KLF12: variants seen among roughly 807,000 people sequenced by gnomAD.
KLF12 encodes the protein KLF transcription factor 12, also known as Krueppel-like factor 12.
In KLF12, 9 loss-of-function variants were observed where a neutral mutation model predicts 37.8. The ratio of observed to expected loss-of-function variants is 0.24; its 90% CI spans 0.14 to 0.42. KLF12 has a LOEUF of 0.42. KLF12 is among the 10% of genes least tolerant of loss of function. The probability of loss-of-function intolerance (pLI) is 1.00; values close to 1 mark genes in which losing one functional copy is unlikely to be tolerated. For synonymous variants in KLF12, 208 were observed against 202.1 expected (o/e 1.03, Z -0.25); for missense variants, 411 against 516.0 (o/e 0.80, Z 1.97).
chr13:74,001,793 C>T (rs1176294390), intron 1 of KLF12, among the ~76,000 whole-genome samples: 2 of 152,168 alleles, frequency 1.3e-5, no homozygotes, highest in East Asian at 1.9e-4. Context: ...AACATTCCAT[C>T]AAACTGTGAA....
rs373325436 is a variant in KLF12 at position 73,755,836 on chromosome 13, G to C, written c.869+9102C>G. Reference sequence around the variant, plus strand: ...CTCATAGCTTAGCTGCCACTTATGAGTGAGAACATACGATGTTTGGTTTTC... The same window carrying C: ...CTCATAGCTTAGCTGCCACTTATGACTGAGAACATACGATGTTTGGTTTTC... On this transcript the variant is annotated intron_variant, in intron 6 of 7. Transcript: ENST00000377669. 2.8e-4 allele frequency among the ~76,000 whole-genome samples: 43 copies of C among 151,988 alleles called. 1 individual carries two copies. In the South Asian group the frequency reaches 3.5e-3, roughly 12 times the overall value.
chr13:73,699,276 T>A (rs1172148337), intron 7 of KLF12, among the ~76,000 whole-genome samples: 1 of 147,890 alleles, frequency 6.8e-6, no homozygotes, highest in Non-Finnish European at 1.5e-5. Flanking sequence ...CCCCAGCGAT[T>A]CGGGAAGCTG....
the KLF12 span, among the ~76,000 whole-genome samples, chr13:74,157,001 A>T: frequency 6.6e-6 from 1 of 152,126 alleles, no homozygotes; most frequent in Non-Finnish European, 1.5e-5. Context: ...TTTATTCTGT[A>T]TGTGTGTGTG....
At chr13:73,781,331 CG>C (rs1166261055) in intron 5 of KLF12, among the ~76,000 whole-genome samples, 1 of 152,168 alleles carries the variant, frequency 6.6e-6, no homozygotes, top group Non-Finnish European at 1.5e-5. Flanking sequence ...TTTATTGCAA[CG>C]TTTACTTCAT....
chr13:73,981,795 C>A (rs990319114), intron 2 of KLF12, among the ~76,000 whole-genome samples: 3 of 152,114 alleles, frequency 2.0e-5, no homozygotes, highest in Admixed American at 1.3e-4. Context: ...CTAAGAGTAA[C>A]CCCTGGCCAG....
chr13:73,793,902 C>T (rs1881822369), intron 5 of KLF12, among the ~76,000 whole-genome samples: 1 of 152,182 alleles, frequency 6.6e-6, no homozygotes, highest in Non-Finnish European at 1.5e-5. Flanking sequence ...CAAAGGACAA[C>T]TGGTGGTCCC....
chr13:73,974,477 G>A (rs1490878297), intron 2 of KLF12, among the ~76,000 whole-genome samples: 1 of 152,072 alleles, frequency 6.6e-6, no homozygotes, highest in Non-Finnish European at 1.5e-5. Context: ...ATTTCACAAG[G>A]CCAAATACCT....
intron 1 of KLF12, among the ~76,000 whole-genome samples, chr13:74,021,322 A>G: frequency 6.6e-6 from 1 of 152,182 alleles, no homozygotes; most frequent in Non-Finnish European, 1.5e-5. Context: ...TACTATAATA[A>G]ATCCTATTTC....
At chr13:73,968,029 T>A (rs1211889870) in intron 2 of KLF12, among the ~76,000 whole-genome samples, 1 of 152,174 alleles carries the variant, frequency 6.6e-6, no homozygotes, top group Non-Finnish European at 1.5e-5. Flanking sequence ...TTCTGCCCTA[T>A]GGTGAAACAG....
chr13:74,162,534 G>A, the KLF12 span, among the ~76,000 whole-genome samples: 2 of 152,146 alleles, frequency 1.3e-5, no homozygotes, highest in African/African-American at 4.8e-5. Context: ...TCTTTTGTCT[G>A]TGTGTGTGTA....
intron 3 of KLF12, among the ~76,000 whole-genome samples, chr13:73,886,269 G>A (rs1484050358): frequency 6.6e-6 from 1 of 152,202 alleles, no homozygotes; most frequent in Non-Finnish European, 1.5e-5. Flanking sequence ...TTTCGTACAT[G>A]AGCATGGAGT....
chr13:74,147,608 C>G, the KLF12 span, among the ~76,000 whole-genome samples: 1 of 152,160 alleles, frequency 6.6e-6, no homozygotes, highest in African/African-American at 2.4e-5. Context: ...TTACGTACCG[C>G]CCAGAACTCC....
At position 73,690,290 on chromosome 13, in the gene KLF12, G is replaced by A. The variant is rs1282514207; in HGVS notation, c.*5200C>T. The A allele has an allele frequency of 6.6e-6, 1 of 152,580 alleles. No homozygotes were observed. The highest frequency in any genetic ancestry group is 1.9e-4 in the East Asian group (1 of 5,190). The allele number at this position is 152,580 out of a possible 1,614,324, so 9.5% of individuals were successfully genotyped here. On this transcript the variant is annotated 3_prime_UTR_variant, in exon 8 of 8. Coordinates refer to ENST00000377669, the MANE Select transcript of KLF12 (RefSeq NM_007249.5). ...AAATGGGCATTAGCTTATTCCTATT[G>A]CGAGTATAGATTCCTTTAACACGTG... is the stretch of plus-strand genomic sequence containing the variant.
chr13:74,210,521 G>A, the KLF12 span, among the ~76,000 whole-genome samples: 5,591 of 152,168 alleles, frequency 0.037, 330 homozygotes, highest in African/African-American at 0.13. Flanking sequence ...CAATTTCTCA[G>A]TCAAACTGTT....
chr13:74,148,248 T>A, the KLF12 span, among the ~76,000 whole-genome samples: 1 of 151,902 alleles, frequency 6.6e-6, no homozygotes. Flanking sequence ...AGTTTTTCCT[T>A]CTCCACTGAA....
chr13:73,877,345 A>G lies in KLF12; in HGVS notation c.124-30972T>C, dbSNP rs190095560. ...AATGCCTTTTTTTAGTCATTATTCCATATTACAGCTCAGATCATCATTTTG... is the reference window on the plus strand; with the variant it reads ...AATGCCTTTTTTTAGTCATTATTCCGTATTACAGCTCAGATCATCATTTTG... On this transcript the variant is annotated intron_variant, in intron 3 of 7. Coordinates refer to ENST00000377669, the MANE Select transcript of KLF12 (RefSeq NM_007249.5). Among the ~76,000 whole-genome samples, 691 of 152,324 alleles carry G rather than the reference A, an allele frequency of 4.5e-3. 4 individuals are homozygous for G. The highest frequency in any genetic ancestry group is 6.8e-3 in the Non-Finnish European group (466 of 68,034).
chr13:73,994,929 C>T, intron 2 of KLF12, 61 bp downstream of exon 2: 1 of 1,163,670 alleles, frequency 8.6e-7, no homozygotes, highest in Non-Finnish European at 1.3e-6. Flanking sequence ...AATAAACTGC[C>T]CAAAAGTAAT....
chr13:74,207,082 A>T, the KLF12 span, among the ~76,000 whole-genome samples: 1 of 152,192 alleles, frequency 6.6e-6, no homozygotes, highest in Admixed American at 6.6e-5. Flanking sequence ...ATGTCATCTC[A>T]TAGTGGAAAG....
intron 1 of KLF12, among the ~76,000 whole-genome samples, chr13:74,065,788 C>T (rs576817189): frequency 1.3e-5 from 2 of 152,130 alleles, no homozygotes; most frequent in African/African-American, 4.8e-5. Flanking sequence ...CTCCCCTCTC[C>T]TCAAGGGCTG....
Sources: gnomAD v4.1 joint callset for allele counts (sites outside exome capture counted in the v4.1 genomes callset) on GRCh38, gnomAD v4.1.1 for gene constraint, MANE v1.5 for transcripts, NCBI Gene and HGNC (gene_info 2026-07-23, HGNC 2026-07-21) for gene names.